ABCA3: variants seen among roughly 807,000 people sequenced by gnomAD.
The protein encoded by ABCA3 is phospholipid-transporting ATPase ABCA3.
In ABCA3, 88 loss-of-function variants were observed where a neutral mutation model predicts 172.8. The observed-to-expected ratio is 0.51, with a 90% CI of 0.43 to 0.61. The LOEUF (loss-of-function observed/expected upper bound fraction) is 0.61, where lower values mean the gene tolerates loss of function less well. Ranked by LOEUF, ABCA3 falls within the 20% of genes least tolerant of loss-of-function variation. The pLI is 0.00. For synonymous variants in ABCA3, 1,066 were observed against 983.8 expected (o/e 1.08, Z -1.56); for missense variants, 2,164 against 2,301.0 (o/e 0.94, Z 1.22).
intron 18 of ABCA3, among the ~76,000 whole-genome samples, chr16:2,294,604 G>A (rs1048249371): frequency 2.0e-5 from 3 of 152,038 alleles, no homozygotes; most frequent in Non-Finnish European, 4.4e-5. Context: ...GGGAGATCAC[G>A]AGCCCAGGAA....
chr16:2,277,302 TG>T lies in ABCA3; in HGVS notation c.4983+294del. The stretch of plus-strand genomic sequence containing the variant: ...GAGACGGGGTCTATGTTGCCCAGGC[TG>T]GTCTAGAACTCCCAGGCTTAAGCAA... On this transcript the variant is annotated intron_variant, in intron 32 of 32. Transcript: ENST00000301732. The surrounding 1 kb of genome is among the most constrained non-coding windows in gnomAD (Gnocchi z 5.3). Among the ~76,000 whole-genome samples, 1 of 152,262 alleles carries T rather than the reference TG, an allele frequency of 6.6e-6. No individual in the cohort carries two copies. The highest frequency in any genetic ancestry group is 2.1e-4 in the South Asian group (1 of 4,822).
In ABCA3 at chr16:2,297,661, G is replaced by A. The variant is rs2093682063; in HGVS notation, c.2052+105C>T. On this transcript the variant is annotated intron_variant, in intron 16 of 32. Coordinates refer to ENST00000301732, the MANE Select transcript of ABCA3 (RefSeq NM_001089.3). This position sits in a 1 kb window ranked among gnomAD's most constrained non-coding sequence, Gnocchi z 5.6. The stretch of plus-strand genomic sequence containing the variant: ...GCTTGAGTCCTCCAAGGATGGTGAT[G>A]GCCTTGTCTGGGGTGTCAAGGGCCA... 2 of 1,588,856 alleles carry A rather than the reference G, an allele frequency of 1.3e-6. No individual in the cohort carries two copies. The highest frequency in any genetic ancestry group is 1.1e-5 in the South Asian group (1 of 90,290).
intron 7 of ABCA3, among the ~76,000 whole-genome samples, chr16:2,322,947 T>C (rs563499834): frequency 8.5e-5 from 13 of 152,126 alleles, no homozygotes; most frequent in African/African-American, 2.9e-4. Context: ...TGAACTCAAA[T>C]AAATTTACAA....
At chr16:2,312,960 G>A (rs2093708887) in intron 10 of ABCA3, among the ~76,000 whole-genome samples, 1 of 151,900 alleles carries the variant, frequency 6.6e-6, no homozygotes, top group African/African-American at 2.4e-5. Flanking sequence ...AGGCTGAAGT[G>A]GAAGGATCAC....
At chr16:2,329,608 C>G (rs1020067803) in intron 2 of ABCA3, 40 bp downstream of exon 2, 2 of 152,502 alleles carry the variant, frequency 1.3e-5, no homozygotes, top group African/African-American at 2.4e-5. Flanking sequence ...AGACCACCCC[C>G]CTTCCCACAC....
Position 2,292,165 on chromosome 16 carries a change from T to C in ABCA3, c.2488A>G (p.Thr830Ala). 2 of 1,613,792 alleles carry C rather than the reference T, an allele frequency of 1.2e-6. No individual in the cohort carries two copies. Among genetic ancestry groups the C allele is most frequent in the Non-Finnish European group, 8.5e-7 (1 of 1,179,804 alleles). The stretch of plus-strand genomic sequence containing the variant: ...CGAAGGAAGACTTCCTCCATGGTGG[T>C]GATGGATGCCCCAAAGCTGGCAATG... ...LGIASFGASI[T>A]TMEEVFLRVG... Residue 830 changes from threonine (T) to alanine (A), a missense_variant, in exon 19 of 33, where the codon ACC becomes GCC. Transcript: ENST00000301732.
intron 18 of ABCA3, among the ~76,000 whole-genome samples, chr16:2,292,555 C>T (rs763482124): frequency 1.3e-5 from 2 of 151,824 alleles, no homozygotes; most frequent in Non-Finnish European, 2.9e-5. Flanking sequence ...ACCGAGATTG[C>T]GCTACTGCAC....
chr16:2,281,325 G>A lies in ABCA3; in HGVS notation c.4164+56C>T. Reference sequence around the variant, plus strand: ...CTTCCAGGGATGGGGTCGGACCCTGGGGACAGCCAGGTAGTCAGCTGGCAG... The same window carrying A: ...CTTCCAGGGATGGGGTCGGACCCTGAGGACAGCCAGGTAGTCAGCTGGCAG... On this transcript the variant is annotated intron_variant, in intron 27 of 32. Transcript: ENST00000301732. This position sits in a 1 kb window ranked among gnomAD's most constrained non-coding sequence, Gnocchi z 4.7. The A allele has an allele frequency of 6.2e-7, 1 of 1,613,290 alleles. No homozygotes were observed. Among genetic ancestry groups the A allele is most frequent in the Non-Finnish European group, 8.5e-7 (1 of 1,179,864 alleles).
rs912092274 is a variant in ABCA3 at position 2,340,685 on chromosome 16, G to C, written c.-651C>G. ...CGCAGTGGCGGCGGCACTGACAGCTGCGTGGCCGCCCTGGAGGGGAGGGTG... is the reference window on the plus strand; with the variant it reads ...CGCAGTGGCGGCGGCACTGACAGCTCCGTGGCCGCCCTGGAGGGGAGGGTG... On this transcript the variant is annotated 5_prime_UTR_variant, in exon 1 of 33. Coordinates refer to ENST00000301732, the MANE Select transcript of ABCA3 (RefSeq NM_001089.3). The C allele has an allele frequency of 2.7e-5, 4 of 150,416 alleles. No individual in the cohort carries two copies. Among genetic ancestry groups the C allele is most frequent in the African/African-American group, 7.3e-5 (3 of 41,372 alleles). 9.3% of individuals were successfully genotyped at this position (150,416 alleles called of 1,614,324 possible).
chr16:2,302,276 T>C (rs2093690743), intron 12 of ABCA3, among the ~76,000 whole-genome samples: 1 of 152,110 alleles, frequency 6.6e-6, no homozygotes, highest in South Asian at 2.1e-4. Flanking sequence ...TGGGTTAAGG[T>C]CTCCCCGACC....
At chr16:2,340,225 G>A (rs2093758492) in intron 1 of ABCA3, among the ~76,000 whole-genome samples, 1 of 152,138 alleles carries the variant, frequency 6.6e-6, no homozygotes, top group Non-Finnish European at 1.5e-5. Context: ...CCTTCTGGGC[G>A]CACACAGAGG....
In ABCA3 at chr16:2,284,718, G is replaced by A. The variant is rs2093660086; in HGVS notation, c.3703+61C>T. The A allele has an allele frequency of 1.3e-6, 2 of 1,546,310 alleles. No individual in the cohort carries two copies. The highest frequency in any genetic ancestry group is 1.8e-6 in the Non-Finnish European group (2 of 1,137,566). ...CCTCGGCTGTGGCTGGTGCCTCCCT[G>A]TCTGGGCGGAGTGGCTCCGTGGATG... is the stretch of plus-strand genomic sequence containing the variant. On this transcript the variant is annotated intron_variant, in intron 24 of 32. Transcript: ENST00000301732. The surrounding 1 kb of genome is among the most constrained non-coding windows in gnomAD (Gnocchi z 5.9).
intron 8 of ABCA3, among the ~76,000 whole-genome samples, chr16:2,318,324 C>T (rs996500328): frequency 6.6e-6 from 1 of 152,244 alleles, no homozygotes; most frequent in Non-Finnish European, 1.5e-5. Flanking sequence ...TCCTCACCTG[C>T]CCCACCAAGG....
intron 19 of ABCA3, among the ~76,000 whole-genome samples, chr16:2,291,384 C>T (rs530053782): frequency 1.3e-5 from 2 of 151,954 alleles, no homozygotes; most frequent in East Asian, 3.9e-4. Context: ...CTCCTTGGCT[C>T]AAGTGATCGC....
intron 11 of ABCA3, among the ~76,000 whole-genome samples, chr16:2,306,232 G>C (rs2093697396): frequency 6.6e-6 from 1 of 152,046 alleles, no homozygotes; most frequent in South Asian, 2.1e-4. Flanking sequence ...GGCTGAGGTG[G>C]GAGGATCACT....
At position 2,297,336 on chromosome 16, in the gene ABCA3, C is replaced by T. The variant is rs755956109; in HGVS notation, c.2256G>A (p.Gln752=). 3 of 1,611,056 alleles carry T rather than the reference C, an allele frequency of 1.9e-6. No individual in the cohort carries two copies. The highest frequency in any genetic ancestry group is 2.5e-6 in the Non-Finnish European group (3 of 1,179,974). ...GCTGGCCCCACCGCTCACCGTATTT[C>T]TGCTTGAGGAACAGCGAGGACCCGC... ...QCCGSSLFLK[Q]KYGAGYHMTL... Residue 752 remains glutamine, a synonymous_variant, in exon 17 of 33, where the codon CAG becomes CAA. Transcript: ENST00000301732. This position sits in a 1 kb window ranked among gnomAD's most constrained non-coding sequence, Gnocchi z 5.6.
Position 2,292,182 on chromosome 16 carries a change from C to G in ABCA3, c.2471G>C (p.Ser824Thr). ...EKKQKELGIA[S>T]FGASITTMEE... ...CATGGTGGTGATGGATGCCCCAAAG[C>G]TGGCAATGCCCAGCTCTTTCTGCTT... Residue 824 changes from serine to threonine, a missense_variant, in exon 19 of 33, where the codon AGC (serine) becomes ACC (threonine). Physicochemically the swap from Ser to Thr is moderately conservative, Grantham distance 58. This residue lies in a region of ABCA3 where 1,343 missense variants were observed against 1,369.6 expected (regional missense o/e 0.98). Coordinates refer to ENST00000301732, the MANE Select transcript of ABCA3 (RefSeq NM_001089.3). The G allele has an allele frequency of 6.2e-7, 1 of 1,614,108 alleles. No individual in the cohort carries two copies. The highest frequency in any genetic ancestry group is 2.2e-5 in the East Asian group (1 of 44,886).
At position 2,278,100 on chromosome 16, in the gene ABCA3, T is replaced by C; in HGVS notation, c.4719-31A>G. ...GAGAGGGCGGGACCTCAGATAGGGC[T>C]TGGGGTGCCAAAGGCTTGTGCAGAC... On this transcript the variant is annotated intron_variant, in intron 30 of 32. Transcript: ENST00000301732. This position sits in a 1 kb window ranked among gnomAD's most constrained non-coding sequence, Gnocchi z 4.4. The C allele has an allele frequency of 6.2e-7, 1 of 1,612,818 alleles. No homozygotes were observed. The highest frequency in any genetic ancestry group is 1.1e-5 in the South Asian group (1 of 91,026).
At position 2,283,163 on chromosome 16, in the gene ABCA3, C is replaced by A; in HGVS notation, c.4035+23G>T. ...GACGTGGGGAGCATCTCGCCAGTGT[C>A]CTGGGCTCCCGGAGCCACTCACCAG... is the stretch of plus-strand genomic sequence containing the variant. On this transcript the variant is annotated intron_variant, in intron 26 of 32. Coordinates refer to ENST00000301732, the MANE Select transcript of ABCA3 (RefSeq NM_001089.3). This position sits in a 1 kb window ranked among gnomAD's most constrained non-coding sequence, Gnocchi z 5.4. 1 of 1,610,610 alleles carries A rather than the reference C, an allele frequency of 6.2e-7. No homozygotes were observed. Among genetic ancestry groups the A allele is most frequent in the South Asian group, 1.1e-5 (1 of 90,746 alleles).
Sources: allele counts gnomAD v4.1 joint callset (sites outside exome capture counted in the v4.1 genomes callset), GRCh38; gene constraint gnomAD v4.1.1; regional missense constraint gnomAD v4.1.1; non-coding constraint Gnocchi (gnomAD v3.1); transcripts MANE v1.5; gene names NCBI Gene and HGNC (gene_info 2026-07-23, HGNC 2026-07-21).